Variants in COL9A3 observed in about 807,000 individuals in gnomAD.
COL9A3 encodes the protein collagen alpha-3(IX) chain.
Under a neutral mutation model 110.2 loss-of-function variants are expected in COL9A3, and 82 were observed. The observed-to-expected ratio is 0.74, with a 90% CI of 0.62 to 0.89. The LOEUF is 0.89. COL9A3 is among the 40% of genes least tolerant of loss of function. COL9A3 has a pLI of 0.00. For synonymous variants in COL9A3, 494 were observed against 403.8 expected, an observed-to-expected ratio of 1.22 and a Z score of -2.68; for missense variants, 1,066 against 981.3, an observed-to-expected ratio of 1.09 and a Z score of -1.15.
chr20:62,820,108 T>G (rs1458521796), intron 5 of COL9A3, 126 bp downstream of exon 5: 13 of 1,162,408 alleles, frequency 1.1e-5, no homozygotes, highest in Non-Finnish European at 1.6e-5. Flanking sequence ...TGCCCGTGCC[T>G]GGGGTGGAGG....
rs762526783 is a variant in COL9A3, at chr20:62,829,428, C to A, written c.1009-27C>A. 10 of 1,612,416 alleles carry A rather than the reference C, an allele frequency of 6.2e-6. No individual in the cohort carries two copies. The East Asian group carries it at 2.0e-4, about 32-fold the overall frequency. ...TGCCGGCGTGCAATGTAACTGGCAGCCCTGACCGCAAGCTCTCTCCTGGCA... is the reference window on the plus strand; with the variant it reads ...TGCCGGCGTGCAATGTAACTGGCAGACCTGACCGCAAGCTCTCTCCTGGCA... On this transcript the variant is annotated intron_variant, in intron 19 of 31. Coordinates refer to ENST00000649368, the MANE Select transcript of COL9A3 (RefSeq NM_001853.4).
rs573767290 is a variant in COL9A3 at position 62,822,707 on chromosome 20, G to T, written c.519+75G>T. The T allele has an allele frequency of 9.9e-5, 150 of 1,512,148 alleles. No individual in the cohort carries two copies. The African/African-American group carries it at 1.7e-3, about 17-fold the overall frequency. 93.7% of individuals were successfully genotyped at this position (1,512,148 alleles called of 1,614,324 possible). The stretch of plus-strand genomic sequence containing the variant: ...GGGGGAGGGGTTCTGGCCTGGAGAG[G>T]GGCTTGTCCATACTGGCAAGAAGGC... On this transcript the variant is annotated intron_variant, in intron 10 of 31. Transcript: ENST00000649368.
rs1285982987 is a variant in COL9A3 at position 62,821,195 on chromosome 20, C to A, written c.324C>A (p.Pro108=). Residue 108 remains proline, a synonymous_variant, in exon 6 of 32, where the codon CCC becomes CCA. Transcript: ENST00000649368. ...GAPGERGSLG[P]PGPPGLGGKG... The stretch of plus-strand genomic sequence containing the variant: ...TCCTCCCACAGGGAAGTCTGGGACC[C>A]CCGGGGCCGCCCGGGCTGGGGGTGA... 6.2e-7 allele frequency: 1 copy of A among 1,613,186 alleles called. No individual in the cohort carries two copies. The highest frequency in any genetic ancestry group is 8.5e-7 in the Non-Finnish European group (1 of 1,179,804).
At position 62,827,166 on chromosome 20, in the gene COL9A3, G is replaced by A. The variant is rs563093613; in HGVS notation, c.793-75G>A. Reference sequence around the variant, plus strand: ...GGAGGGCTGTCCCCCGCCCGGGCCTGGAGGGGCCCCCGTCCTACTCTCCGA... The same window carrying A: ...GGAGGGCTGTCCCCCGCCCGGGCCTAGAGGGGCCCCCGTCCTACTCTCCGA... On this transcript the variant is annotated intron_variant, in intron 15 of 31. Transcript: ENST00000649368. 2.2e-5 allele frequency: 34 copies of A among 1,516,258 alleles called. No homozygotes were observed. The African/African-American group carries it at 4.1e-4, about 18-fold the overall frequency. 93.9% of individuals were successfully genotyped at this position (1,516,258 alleles called of 1,614,324 possible).
chr20:62,836,014 A>C (rs374203533), intron 27 of COL9A3, 61 bp downstream of exon 27: 3 of 1,612,380 alleles, frequency 1.9e-6, no homozygotes, highest in Non-Finnish European at 2.5e-6. Flanking sequence ...CTTCCTGCCC[A>C]CCTCTGGGCA....
chr20:62,837,217 C>T lies in COL9A3; in HGVS notation c.1738C>T (p.Pro580Ser), dbSNP rs781030374. 8.1e-6 allele frequency: 13 copies of T among 1,612,318 alleles called. No homozygotes were observed. The highest frequency in any genetic ancestry group is 2.2e-5 in the East Asian group (1 of 44,876). ...SIGHPGARGP[P>S]GYRGPTGELG... is the part of the protein sequence containing the mutation. ...TGGTCACCCTGGCGCTCGAGGACCC[C>T]CTGGATACCGCGGTCCCACTGGGGA... The change falls in exon 30 of 32, where the codon CCT (proline) becomes TCT (serine). Residue 580 changes from proline (P) to serine (S), a missense_variant. Transcript: ENST00000649368.
chr20:62,822,658 G>A, intron 10 of COL9A3, 26 bp downstream of exon 10: 1 of 1,607,870 alleles, frequency 6.2e-7, no homozygotes, highest in Non-Finnish European at 8.5e-7. Context: ...CATTTGTTAA[G>A]GGTGCTGGGG....
At chr20:62,821,590 G>C in intron 7 of COL9A3, 60 bp downstream of exon 7, 2 of 1,610,782 alleles carry the variant, frequency 1.2e-6, no homozygotes, top group Non-Finnish European at 1.7e-6. Flanking sequence ...AGCCTGCCAG[G>C]CTGGGATGTC....
intron 1 of COL9A3, 200 bp from the exon 2 acceptor site, chr20:62,817,366 AG>A (rs1990962829): frequency 1.9e-6 from 1 of 521,242 alleles, no homozygotes; most frequent in Non-Finnish European, 3.3e-6. Context: ...TGGGAGCACA[AG>A]GGGGCCTTTG....
At chr20:62,827,610 A>G (rs911367350) in intron 16 of COL9A3, among the ~76,000 whole-genome samples, 2 of 152,154 alleles carry the variant, frequency 1.3e-5, no homozygotes, top group Admixed American at 6.5e-5. Flanking sequence ...AAGTGAACAT[A>G]AGGAAAGTCC....
intron 2 of COL9A3, among the ~76,000 whole-genome samples, chr20:62,818,100 C>T (rs990173652): frequency 2.6e-5 from 4 of 152,096 alleles, no homozygotes; most frequent in South Asian, 2.1e-4. Flanking sequence ...CAGGAGGAGG[C>T]GGCTGAAATT....
At chr20:62,834,314 G>A (rs1244323511) in intron 26 of COL9A3, among the ~76,000 whole-genome samples, 1 of 152,186 alleles carries the variant, frequency 6.6e-6, no homozygotes, top group Non-Finnish European at 1.5e-5. Context: ...CAGGCCCACA[G>A]CTGGTTTTTA....
At chr20:62,817,194 A>G in intron 1 of COL9A3, 52 bp downstream of exon 1, 1 of 1,253,428 alleles carries the variant, frequency 8.0e-7, no homozygotes, top group African/African-American at 1.6e-5. Flanking sequence ...CGACCGCCCC[A>G]GCCCCGAACC....
intron 5 of COL9A3, 51 bp from the exon 6 acceptor site, chr20:62,821,130 G>A (rs752273406): frequency 1.9e-6 from 3 of 1,595,430 alleles, no homozygotes; most frequent in Non-Finnish European, 2.6e-6. Flanking sequence ...AGGGGATTGG[G>A]TTTGCAAATA....
At chr20:62,819,733 GC>G (rs1413923551) in intron 4 of COL9A3, among the ~76,000 whole-genome samples, 195 bp from the exon 5 acceptor site, 2 of 152,146 alleles carry the variant, frequency 1.3e-5, no homozygotes, top group African/African-American at 4.8e-5. Context: ...CCCGCTGGCT[GC>G]CCCCTCCCTC....
chr20:62,821,487 C>G lies in COL9A3; in HGVS notation c.346-20C>G, dbSNP rs753946461. ...CCTTCTTGTGCCTGGCAGGCTCTGA[C>G]CCCATGTTTGGCTTTGCAGGGCAAA... On this transcript the variant is annotated intron_variant, in intron 6 of 31. Coordinates refer to ENST00000649368, the MANE Select transcript of COL9A3 (RefSeq NM_001853.4). 8.1e-6 allele frequency: 13 copies of G among 1,612,728 alleles called. No individual in the cohort carries two copies. The highest frequency in any genetic ancestry group is 1.3e-5 in the African/African-American group (1 of 74,912).
intron 10 of COL9A3, among the ~76,000 whole-genome samples, chr20:62,824,072 C>T (rs1231048178): frequency 7.0e-6 from 1 of 142,612 alleles, no homozygotes; most frequent in Non-Finnish European, 1.5e-5. Context: ...TGTCCCGACA[C>T]CCGCGCGGAG....
In COL9A3 at chr20:62,825,032, C is replaced by T. The variant is rs368606488; in HGVS notation, c.630+11C>T. 6 of 1,604,754 alleles carry T rather than the reference C, an allele frequency of 3.7e-6. No individual in the cohort carries two copies. Among genetic ancestry groups the T allele is most frequent in the Non-Finnish European group, 5.1e-6 (6 of 1,177,352 alleles). ...AAGGACGGCGAGAAGGTGAAGCTGC[C>T]GCACAGCAGCTGGGGAGGAGCTGGG... On this transcript the variant is annotated intron_variant, in intron 12 of 31. Transcript: ENST00000649368.
chr20:62,826,109 A>G, intron 13 of COL9A3, 95 bp from the exon 14 acceptor site: 1 of 1,347,186 alleles, frequency 7.4e-7, no homozygotes, highest in African/African-American at 1.5e-5. Flanking sequence ...GGAAGACACC[A>G]GGGCTCCCAG....
Sources: allele counts gnomAD v4.1 joint callset (sites outside exome capture counted in the v4.1 genomes callset), GRCh38; gene constraint gnomAD v4.1.1; transcripts MANE v1.5; gene names NCBI Gene and HGNC (gene_info 2026-07-23, HGNC 2026-07-21).